Variants in PICALM observed in about 807,000 individuals in gnomAD.
PICALM encodes the protein phosphatidylinositol-binding clathrin assembly protein.
In PICALM, 40 loss-of-function variants were observed where a neutral mutation model predicts 80.5. The observed-to-expected ratio is 0.50, with a 90% CI of 0.39 to 0.65. The LOEUF is 0.65. PICALM is among the 30% of genes least tolerant of loss of function. The probability of loss-of-function intolerance (pLI) is 0.00; values close to 1 mark genes in which losing one functional copy is unlikely to be tolerated. For synonymous variants in PICALM, 288 were observed against 260.3 expected, an observed-to-expected ratio of 1.11 and a Z score of -1.02; for missense variants, 676 against 778.9, an observed-to-expected ratio of 0.87 and a Z score of 1.57.
intron 1 of PICALM, among the ~76,000 whole-genome samples, chr11:86,049,431 G>GT (rs1167820321): frequency 4.3e-4 from 66 of 152,170 alleles, no homozygotes; most frequent in African/African-American, 1.6e-3. Context: ...CATTTTGTAT[G>GT]TATCAATAAA....
In PICALM at chr11:86,068,796, A is replaced by C; in HGVS notation, c.-16T>G. 1.3e-6 allele frequency: 2 copies of C among 1,593,846 alleles called. No individual in the cohort carries two copies. The highest frequency in any genetic ancestry group is 8.5e-7 in the Non-Finnish European group (1 of 1,173,844). On this transcript the variant is annotated 5_prime_UTR_variant, in exon 1 of 20. Coordinates refer to ENST00000393346, the MANE Select transcript of PICALM (RefSeq NM_007166.4). ...GGCCGGACATCTCTGCAGCTCCTCC[A>C]CCACCCCACCCGCTCAGCAGCCGGC...
intron 1 of PICALM, among the ~76,000 whole-genome samples, chr11:86,038,137 T>C (rs2136970240): frequency 6.6e-6 from 1 of 152,228 alleles, no homozygotes; most frequent in South Asian, 2.1e-4. Flanking sequence ...CTGGCCAATA[T>C]GGTGAAACCC....
intron 2 of PICALM, among the ~76,000 whole-genome samples, chr11:86,029,621 G>C (rs2136713118): frequency 6.6e-6 from 1 of 152,182 alleles, no homozygotes; most frequent in South Asian, 2.1e-4. Context: ...CTTATTTACA[G>C]CCTCTGAAAG....
chr11:85,983,959 G>A lies in PICALM; in HGVS notation c.1423C>T (p.Pro475Ser). ...HEMFVGFTPS[P>S]VAQPHPSAGL... ...GCTGAAGGGTGTGGCTGTGCAACTG[G>A]AGAAGGAGTGAATCCTGAGTAAACC... is the stretch of plus-strand genomic sequence containing the variant. The change falls in exon 14 of 20, where the codon CCA becomes TCA. Residue 475 changes from proline (P) to serine (S), a missense_variant. Around this residue, in one of 2 missense-constraint regions of PICALM, gnomAD observed 391 missense variants for 383.6 expected, o/e 1.02. Coordinates refer to ENST00000393346, the MANE Select transcript of PICALM (RefSeq NM_007166.4). 1 of 1,573,318 alleles carries A rather than the reference G, an allele frequency of 6.4e-7. No homozygotes were observed. The highest frequency in any genetic ancestry group is 8.7e-7 in the Non-Finnish European group (1 of 1,145,632).
chr11:86,030,596 T>G (rs1040494478), intron 2 of PICALM, among the ~76,000 whole-genome samples: 19 of 152,192 alleles, frequency 1.2e-4, no homozygotes, highest in African/African-American at 4.6e-4. Flanking sequence ...ACCAAAAAAT[T>G]AGCTGCTAGG....
intron 1 of PICALM, among the ~76,000 whole-genome samples, chr11:86,051,925 T>C (rs1294705224): frequency 6.6e-6 from 1 of 152,240 alleles, no homozygotes; most frequent in Admixed American, 6.5e-5. Flanking sequence ...CCAATAAGAC[T>C]ATCTGATGAA....
chr11:85,988,151 G>A (rs1016469244), intron 13 of PICALM, among the ~76,000 whole-genome samples: 13 of 152,112 alleles, frequency 8.5e-5, no homozygotes, highest in African/African-American at 3.1e-4. Context: ...GGACTTTTGA[G>A]GTTTTATTGC....
intron 1 of PICALM, among the ~76,000 whole-genome samples, chr11:86,060,208 G>A (rs970607305): frequency 6.6e-6 from 1 of 152,078 alleles, no homozygotes; most frequent in African/African-American, 2.4e-5. Context: ...CATCCCTAAA[G>A]GTGCATTTTT....
intron 1 of PICALM, among the ~76,000 whole-genome samples, chr11:86,067,975 G>A (rs1322916758): frequency 6.6e-6 from 1 of 152,192 alleles, no homozygotes; most frequent in African/African-American, 2.4e-5. Context: ...CTCCCACAAA[G>A]AAGGTAATCT....
At position 86,046,371 on chromosome 11, in the gene PICALM, T is replaced by C. The variant is rs140190256; in HGVS notation, c.131-14760A>G. 4.5e-3 allele frequency among the ~76,000 whole-genome samples: 684 copies of C among 152,354 alleles called. 3 individuals are homozygous for C. The highest frequency in any genetic ancestry group is 0.016 in the African/African-American group (657 of 41,584). On this transcript the variant is annotated intron_variant, in intron 1 of 19. Transcript: ENST00000393346. ...ATGTTAATTAGTCACTCAGTTTCCA[T>C]TTCAACATTTAAAAAATAGGACTAA...
intron 1 of PICALM, among the ~76,000 whole-genome samples, chr11:86,040,003 C>CAAAA (rs752086947): frequency 3.7e-5 from 2 of 53,356 alleles, no homozygotes; most frequent in East Asian, 5.1e-4. Flanking sequence ...GACGCCGTCT[C>CAAAA]AAAAAAAAAA....
intron 1 of PICALM, among the ~76,000 whole-genome samples, chr11:86,066,492 CATCT>C: frequency 6.6e-6 from 1 of 152,168 alleles, no homozygotes; most frequent in East Asian, 1.9e-4. Context: ...TCCCAGTTAC[CATCT>C]ATCTGCAGTA....
chr11:85,963,919 G>GATT lies in PICALM; in HGVS notation c.1945-4860_1945-4859insAAT, dbSNP rs2093780107. Among the ~76,000 whole-genome samples, 4 of 22,852 alleles carry GATT rather than the reference G, an allele frequency of 1.8e-4. No individual in the cohort carries two copies. In the East Asian group the frequency reaches 3.9e-3, roughly 22 times the overall value. 15.0% of individuals were successfully genotyped at this position (22,852 alleles called of 152,430 possible). On this transcript the variant is annotated intron_variant, in intron 19 of 19. Coordinates refer to ENST00000393346, the MANE Select transcript of PICALM (RefSeq NM_007166.4). The stretch of plus-strand genomic sequence containing the variant: ...TTACAGGCATGCACCACCACACCTG[G>GATT]CTTTTTTTTTTTTTTTTTTTTTTTA...
intron 19 of PICALM, among the ~76,000 whole-genome samples, chr11:85,968,389 C>T (rs1309555580): frequency 2.6e-5 from 4 of 152,098 alleles, no homozygotes; most frequent in African/African-American, 7.2e-5. Context: ...TTTCATATTG[C>T]TTCTGGGAAA....
chr11:86,065,441 C>CAA (rs552979493), intron 1 of PICALM, among the ~76,000 whole-genome samples: 1 of 127,910 alleles, frequency 7.8e-6, no homozygotes. Context: ...GACTCCGTCT[C>CAA]AAAAAAAAAA....
chr11:85,983,698 G>A (rs1286083704), intron 14 of PICALM, among the ~76,000 whole-genome samples, 168 bp downstream of exon 14: 2 of 152,128 alleles, frequency 1.3e-5, no homozygotes, highest in African/African-American at 4.8e-5. Context: ...AAAGAATAAT[G>A]ACTAAACAGC....
At position 86,022,403 on chromosome 11, in the gene PICALM, C is replaced by T. The variant is rs754558342; in HGVS notation, c.416G>A (p.Arg139Lys). 1 of 1,591,872 alleles carries T rather than the reference C, an allele frequency of 6.3e-7. No individual in the cohort carries two copies. Among genetic ancestry groups the T allele is most frequent in the East Asian group, 2.3e-5 (1 of 44,246 alleles). Residue 139 changes from arginine to lysine, a missense_variant, in exon 4 of 20, where the codon AGA becomes AAA. This residue lies in a region of PICALM where 285 missense variants were observed against 395.4 expected (regional missense o/e 0.72). Transcript: ENST00000393346. Reference protein sequence around the residue: ...RYLNEKAVSYRQVAFDFTKVK... With the variant: ...RYLNEKAVSYKQVAFDFTKVK... ...TTTTGTGAAATCAAATGCAACTTGT[C>T]TGTATGAAACTGCTTTCTCATTTAA...
chr11:86,038,778 G>GA (rs1186856161), intron 1 of PICALM, among the ~76,000 whole-genome samples: 1,834 of 129,364 alleles, frequency 0.014, 41 homozygotes, highest in African/African-American at 0.047. Context: ...CTCCATCTCA[G>GA]AAAAAAAAAA....
In PICALM at chr11:86,044,490, C is replaced by T. The variant is rs141086046; in HGVS notation, c.131-12879G>A. Reference sequence around the variant, plus strand: ...CTAGTTTTACGTATATAGTACCAGACGGTGGAAATCTCATTTATTTATTCA... The same window carrying T: ...CTAGTTTTACGTATATAGTACCAGATGGTGGAAATCTCATTTATTTATTCA... On this transcript the variant is annotated intron_variant, in intron 1 of 19. Coordinates refer to ENST00000393346, the MANE Select transcript of PICALM (RefSeq NM_007166.4). 7.9e-5 allele frequency among the ~76,000 whole-genome samples: 12 copies of T among 152,288 alleles called. No individual in the cohort carries two copies. In the East Asian group the frequency reaches 1.2e-3, roughly 15 times the overall value.
Sources: gnomAD v4.1 joint callset for allele counts (sites outside exome capture counted in the v4.1 genomes callset) on GRCh38, gnomAD v4.1.1 for gene constraint, gnomAD v4.1.1 regional missense constraint, MANE v1.5 for transcripts, NCBI Gene and HGNC (gene_info 2026-07-23, HGNC 2026-07-21) for gene names.